Variants in NCOA3 observed in about 807,000 individuals in gnomAD.
NCOA3 encodes CBP-interacting protein.
A neutral mutation model predicts 158.8 loss-of-function variants in NCOA3; 51 were observed. That is an observed-to-expected ratio of 0.32 (90% confidence interval 0.26 to 0.41). The LOEUF is 0.41. Among genes scored for constraint, NCOA3 ranks in the 10% least tolerant of loss-of-function variants. The probability of loss-of-function intolerance (pLI) is 1.00; values close to 1 mark genes in which losing one functional copy is unlikely to be tolerated. For missense variants in NCOA3, 1,510 were observed against 1,746.6 expected (o/e 0.86, Z 2.41); for synonymous variants, 537 against 592.4 (o/e 0.91, Z 1.36).
intron 1 of NCOA3, among the ~76,000 whole-genome samples, chr20:47,506,695 A>G (rs925402864): frequency 6.6e-6 from 1 of 152,202 alleles, no homozygotes; most frequent in African/African-American, 2.4e-5. Context: ...ATTTAAAGTA[A>G]TATTCCAAGA....
At chr20:47,529,683 T>G (rs1357890989) in intron 1 of NCOA3, among the ~76,000 whole-genome samples, 4 of 152,258 alleles carry the variant, frequency 2.6e-5, no homozygotes, top group African/African-American at 4.8e-5. Context: ...AGTGTTGTGA[T>G]TACAGGCGTG....
intron 4 of NCOA3, among the ~76,000 whole-genome samples, chr20:47,624,332 C>CAA (rs2086288209): frequency 6.6e-6 from 1 of 152,194 alleles, no homozygotes; most frequent in Non-Finnish European, 1.5e-5. Context: ...TTTCCTGCAG[C>CAA]TAGATGGATC....
intron 2 of NCOA3, among the ~76,000 whole-genome samples, chr20:47,594,475 C>T (rs1181669906): frequency 6.6e-6 from 1 of 151,256 alleles, no homozygotes; most frequent in Non-Finnish European, 1.5e-5. Context: ...CCAGCCTGGC[C>T]AACATGATGA....
At chr20:47,514,403 A>AT (rs762837940) in intron 1 of NCOA3, among the ~76,000 whole-genome samples, 7 of 151,536 alleles carry the variant, frequency 4.6e-5, no homozygotes, top group South Asian at 4.2e-4. Context: ...ATCTTTTTTT[A>AT]TTTTTTTTGA....
intron 1 of NCOA3, among the ~76,000 whole-genome samples, chr20:47,530,953 G>A (rs1187120238): frequency 6.6e-6 from 1 of 152,196 alleles, no homozygotes; most frequent in Non-Finnish European, 1.5e-5. Context: ...GTAGGGTGAA[G>A]AGTAGATTAC....
chr20:47,568,163 GT>G (rs2146195692), intron 1 of NCOA3, among the ~76,000 whole-genome samples: 1 of 152,336 alleles, frequency 6.6e-6, no homozygotes, highest in Admixed American at 6.5e-5. Flanking sequence ...ACAAGCTGCT[GT>G]GGCTCCAGTT....
At chr20:47,615,884 G>A (rs565862624) in intron 2 of NCOA3, among the ~76,000 whole-genome samples, 10 of 152,250 alleles carry the variant, frequency 6.6e-5, no homozygotes, top group Middle Eastern at 3.4e-3. Flanking sequence ...GTGACGAGAC[G>A]TGGTGGCTCA....
chr20:47,636,330 A>G lies in NCOA3; in HGVS notation c.1944A>G (p.Glu648=), dbSNP rs1602523011. ...TNSPLDSSCK[E]SSVSVTSPSG... ...CCCCCCTAGATTCAAGTTGTAAAGA[A>G]TCTTCTGTTAGTGTCACCAGCCCCT... Residue 648 remains glutamate, a synonymous_variant, in exon 12 of 23, where the codon GAA becomes GAG. Coordinates refer to ENST00000371998, the MANE Select transcript of NCOA3 (RefSeq NM_181659.3). 6.2e-7 allele frequency: 1 copy of G among 1,614,146 alleles called. No individual in the cohort carries two copies. Among genetic ancestry groups the G allele is most frequent in the East Asian group, 2.2e-5 (1 of 44,890 alleles).
chr20:47,642,307 A>T lies in NCOA3; in HGVS notation c.3175A>T (p.Thr1059Ser), dbSNP rs766607484. Residue 1059 changes from threonine (T) to serine (S), a missense_variant, in exon 17 of 23, where the codon ACT (threonine) becomes TCT (serine). By Grantham distance (58) the Thr-to-Ser change is moderately conservative. Coordinates refer to ENST00000371998, the MANE Select transcript of NCOA3 (RefSeq NM_181659.3). ...AAGAGCATTATTGGACCAGCTGCAC[A>T]CTCTTCTCAGCAACACAGATGCCAC... ...DERALLDQLH[T>S]LLSNTDATGL... is the part of the protein sequence containing the mutation. The T allele has an allele frequency of 6.2e-7, 1 of 1,613,476 alleles. No individual in the cohort carries two copies. Among genetic ancestry groups the T allele is most frequent in the South Asian group, 1.1e-5 (1 of 90,956 alleles).
Position 47,625,323 on chromosome 20 carries a change from G to A in NCOA3, c.257-58G>A. On this transcript the variant is annotated intron_variant, in intron 4 of 22. Coordinates refer to ENST00000371998, the MANE Select transcript of NCOA3 (RefSeq NM_181659.3). ...TGTCTCTTCTGGGGACTATTCGAAG[G>A]TGATTTAATCTATAACTGATAGTGT... 3 of 1,180,188 alleles carry A rather than the reference G, an allele frequency of 2.5e-6. No individual in the cohort carries two copies. In the South Asian group the frequency reaches 3.7e-5, roughly 14 times the overall value. 73.1% of individuals were successfully genotyped at this position (1,180,188 alleles called of 1,614,324 possible).
chr20:47,622,314 G>A lies in NCOA3; in HGVS notation c.67G>A (p.Asp23Asn). 6.2e-6 allele frequency: 10 copies of A among 1,605,200 alleles called. No homozygotes were observed. The highest frequency in any genetic ancestry group is 7.7e-6 in the Non-Finnish European group (9 of 1,175,862). The change falls in exon 3 of 23, where the codon GAT becomes AAT. Residue 23 changes from aspartate (D) to asparagine (N), a missense_variant. Asp to Asn is a conservative substitution (Grantham distance 23, BLOSUM62 1). Coordinates refer to ENST00000371998, the MANE Select transcript of NCOA3 (RefSeq NM_181659.3). ...SDSRKRKLPC[D>N]TPGQGLTCSG... ...TTCACGAAAACGCAAATTGCCATGTGATACTCCAGGACAAGGGTAGGTGAC... is the reference window on the plus strand; with the variant it reads ...TTCACGAAAACGCAAATTGCCATGTAATACTCCAGGACAAGGGTAGGTGAC...
intron 13 of NCOA3, 145 bp from the exon 14 acceptor site, chr20:47,638,863 T>A: frequency 1.5e-6 from 1 of 654,704 alleles, no homozygotes; most frequent in Non-Finnish European, 2.3e-6. Context: ...GAGGGCCACT[T>A]CCCTCACTTA....
At chr20:47,515,786 C>T (rs2084225195) in intron 1 of NCOA3, among the ~76,000 whole-genome samples, 1 of 152,052 alleles carries the variant, frequency 6.6e-6, no homozygotes, top group Non-Finnish European at 1.5e-5. Context: ...AGCCTTAATA[C>T]CAATATTATC....
chr20:47,641,366 C>T lies in NCOA3; in HGVS notation c.3081-847C>T, dbSNP rs570689309. Among the ~76,000 whole-genome samples the T allele has an allele frequency of 3.5e-4, 49 of 139,544 alleles. No individual in the cohort carries two copies. In the South Asian group the frequency reaches 9.0e-3, roughly 26 times the overall value. 91.5% of individuals were successfully genotyped at this position (139,544 alleles called of 152,430 possible). A position where few individuals can be genotyped will look rare whatever the true frequency, so the allele number is the denominator to read the frequency against. ...TTTTTGAGACGGAATCTGGCTCTGT[C>T]GCCCAGGCTGGAGTGCAGTGGTGCA... On this transcript the variant is annotated intron_variant, in intron 16 of 22. Coordinates refer to ENST00000371998, the MANE Select transcript of NCOA3 (RefSeq NM_181659.3).
At position 47,640,067 on chromosome 20, in the gene NCOA3, G is replaced by A. The variant is rs954616580; in HGVS notation, c.3080+16G>A. 6.2e-7 allele frequency: 1 copy of A among 1,614,022 alleles called. No homozygotes were observed. The highest frequency in any genetic ancestry group is 8.5e-7 in the Non-Finnish European group (1 of 1,179,966). ...CTCAAAATAGGTGGGGTGTTATTTT[G>A]TGACTCTGTAGAAAATCTCAGCATT... On this transcript the variant is annotated intron_variant, in intron 16 of 22. Transcript: ENST00000371998.
Position 47,653,741 on chromosome 20 carries a change from C to T in NCOA3, c.*324C>T. On this transcript the variant is annotated 3_prime_UTR_variant, in exon 23 of 23. Coordinates refer to ENST00000371998, the MANE Select transcript of NCOA3 (RefSeq NM_181659.3). ...AAAACTTTTGTGTCACTTTTTTCTG[C>T]CTTGCTAGCCAAAATCTCTTAAATA... is the stretch of plus-strand genomic sequence containing the variant. 1 of 362,456 alleles carries T rather than the reference C, an allele frequency of 2.8e-6. No homozygotes were observed. The highest frequency in any genetic ancestry group is 4.2e-5 in the Admixed American group (1 of 23,678). The allele number at this position is 362,456 out of a possible 1,614,324, so 22.5% of individuals were successfully genotyped here.
At chr20:47,603,172 C>T (rs901473429) in intron 2 of NCOA3, among the ~76,000 whole-genome samples, 1 of 152,220 alleles carries the variant, frequency 6.6e-6, no homozygotes, top group Non-Finnish European at 1.5e-5. Context: ...ATTTGAAGAT[C>T]TTAGCATCTT....
chr20:47,505,003 G>GTTGTTTTTTTTT (rs2084004528), intron 1 of NCOA3, among the ~76,000 whole-genome samples: 1 of 28,550 alleles, frequency 3.5e-5, no homozygotes, highest in Non-Finnish European at 5.4e-5. Context: ...TGGGTTTTTG[G>GTTGTTTTTTTTT]TTTTTTTTTT....
intron 2 of NCOA3, among the ~76,000 whole-genome samples, chr20:47,590,773 C>T (rs1011571697): frequency 5.3e-5 from 8 of 150,740 alleles, no homozygotes; most frequent in African/African-American, 1.2e-4. Flanking sequence ...ATCGCACCAT[C>T]GCACCCCATC....
Sources: allele counts gnomAD v4.1 joint callset (sites outside exome capture counted in the v4.1 genomes callset), GRCh38; gene constraint gnomAD v4.1.1; transcripts MANE v1.5; gene names NCBI Gene and HGNC (gene_info 2026-07-23, HGNC 2026-07-21).